The following SEC31A variants were observed in gnomAD, a reference collection of about 807,000 sequenced individuals.
SEC31A encodes protein transport protein Sec31A.
Under a neutral mutation model 151.0 loss-of-function variants are expected in SEC31A, and 70 were observed. The observed-to-expected ratio is 0.46, with a 90% CI of 0.38 to 0.57. SEC31A has a LOEUF of 0.57. Among genes scored for constraint, SEC31A ranks in the 20% least tolerant of loss-of-function variants. The pLI is 0.00. For synonymous variants in SEC31A, 475 were observed against 505.9 expected (o/e 0.94, Z 0.82); for missense variants, 1,330 against 1,471.2 (o/e 0.90, Z 1.57).
chr4:82,871,551 AG>A, intron 7 of SEC31A: 1 of 687,272 alleles, frequency 1.5e-6, no homozygotes, highest in Non-Finnish European at 2.5e-6. Flanking sequence ...AAAGGTGGGC[AG>A]ATCACTTGAG....
intron 25 of SEC31A, among the ~76,000 whole-genome samples, chr4:82,822,586 T>C (rs1560577624): frequency 2.0e-5 from 3 of 152,150 alleles, no homozygotes; most frequent in Admixed American, 1.3e-4. Context: ...TGTTTAGACA[T>C]AAAGTGAAAA....
At chr4:82,881,809 AAGAGAAGAAATT>A (rs775633923) in intron 2 of SEC31A, 37 bp downstream of exon 2, 1 of 1,391,790 alleles carries the variant, frequency 7.2e-7, no homozygotes, top group East Asian at 2.3e-5. Flanking sequence ...CTAGGTGCAG[AAGAGAAGAAATT>A]AGGTAACTCA....
In SEC31A at chr4:82,819,198, C is replaced by A. The variant is rs749817015; in HGVS notation, c.3539G>T (p.Arg1180Leu). ...LHNIARSIET[R>L]NYSEGLTMHT... ...CATGGTCAATCCTTCTGAGTAGTTT[C>A]GAGTTTCAATGCTCCTTGCAATGTT... The change falls in exon 27 of 27, where the codon CGA (arginine) becomes CTA (leucine). Residue 1180 changes from arginine (R) to leucine (L), a missense_variant. Transcript: ENST00000395310. 2 of 1,610,974 alleles carry A rather than the reference C, an allele frequency of 1.2e-6. No individual in the cohort carries two copies.
chr4:82,849,613 CAA>C (rs5859835), intron 19 of SEC31A, among the ~76,000 whole-genome samples: 3 of 109,708 alleles, frequency 2.7e-5, no homozygotes, highest in African/African-American at 1.1e-4. Context: ...GAATCCGTCT[CAA>C]AAAAAAAAAA....
intron 25 of SEC31A, among the ~76,000 whole-genome samples, chr4:82,822,868 G>T (rs1483840059): frequency 1.3e-5 from 2 of 152,164 alleles, no homozygotes; most frequent in African/African-American, 2.4e-5. Flanking sequence ...AGCTACTAGG[G>T]AGGCTGAGGC....
intron 10 of SEC31A, among the ~76,000 whole-genome samples, chr4:82,866,241 CG>C (rs1560639720): frequency 6.6e-6 from 1 of 151,932 alleles, no homozygotes; most frequent in Non-Finnish European, 1.5e-5. Context: ...GAGGCCGAAG[CG>C]GGTGGATCAC....
chr4:82,857,225 A>G, intron 15 of SEC31A, 95 bp from the exon 16 acceptor site: 2 of 991,756 alleles, frequency 2.0e-6, no homozygotes, highest in East Asian at 2.6e-5. Context: ...ATATATATAC[A>G]TGAATGGAGA....
chr4:82,822,977 A>C (rs1468923091), intron 25 of SEC31A, among the ~76,000 whole-genome samples: 1 of 152,202 alleles, frequency 6.6e-6, no homozygotes, highest in African/African-American at 2.4e-5. Context: ...CCGTCTCAAA[A>C]AAAAAGAAAA....
At chr4:82,845,335 T>A (rs1729825394) in intron 20 of SEC31A, 2 of 1,184,820 alleles carry the variant, frequency 1.7e-6, no homozygotes, top group Non-Finnish European at 2.3e-6. Flanking sequence ...AAATAAAAAA[T>A]GAAAACGTTA....
chr4:82,886,084 T>G (rs1740637766), intron 1 of SEC31A, among the ~76,000 whole-genome samples: 1 of 152,132 alleles, frequency 6.6e-6, no homozygotes, highest in Non-Finnish European at 1.5e-5. Context: ...AGCTCCAGAG[T>G]TCTTTCTACT....
rs189426167 is a variant in SEC31A, at chr4:82,842,133, C to A, written c.2968+7G>T. The A allele has an allele frequency of 5.2e-6, 8 of 1,542,378 alleles. No individual in the cohort carries two copies. Among genetic ancestry groups the A allele is most frequent in the Non-Finnish European group, 5.2e-6 (6 of 1,144,230 alleles). ...GGGGCCAAACCAAATCCCTTTCAAG[C>A]GCAGACCTGTTCTTTGGGACGCAGG... On this transcript the variant is annotated splice_region_variant and intron_variant, in intron 22 of 26. Transcript: ENST00000395310.
intron 20 of SEC31A, among the ~76,000 whole-genome samples, chr4:82,846,667 G>C (rs935592899): frequency 6.6e-6 from 1 of 151,438 alleles, no homozygotes; most frequent in African/African-American, 2.4e-5. Context: ...TCTTCCTTAT[G>C]ATTTCCTTAA....
intron 21 of SEC31A, among the ~76,000 whole-genome samples, chr4:82,843,512 G>A (rs1219980833): frequency 6.6e-6 from 1 of 152,116 alleles, no homozygotes; most frequent in Non-Finnish European, 1.5e-5. Flanking sequence ...CCTCGATAGA[G>A]TGAATCTAGT....
At position 82,858,992 on chromosome 4, in the gene SEC31A, C is replaced by G. The variant is rs575598513; in HGVS notation, c.1627-1228G>C. Among the ~76,000 whole-genome samples, 63 of 152,124 alleles carry G rather than the reference C, an allele frequency of 4.1e-4. No homozygotes were observed. The East Asian group carries it at 7.5e-3, about 18-fold the overall frequency. On this transcript the variant is annotated intron_variant, in intron 14 of 26. Coordinates refer to ENST00000395310, the MANE Select transcript of SEC31A (RefSeq NM_001077207.4). Reference sequence around the variant, plus strand: ...CTGGGATTACAGGCGTGAGCCACCACGCCAGGCCGGAAAATATATTTTTAA... The same window carrying G: ...CTGGGATTACAGGCGTGAGCCACCAGGCCAGGCCGGAAAATATATTTTTAA...
chr4:82,863,237 T>C, intron 12 of SEC31A, 81 bp downstream of exon 12: 1 of 820,554 alleles, frequency 1.2e-6, no homozygotes, highest in Non-Finnish European at 1.9e-6. Flanking sequence ...ATTGGGTGAT[T>C]TGAGATAATC....
chr4:82,851,672 CA>C, intron 18 of SEC31A, 68 bp from the exon 19 acceptor site: 2 of 1,347,052 alleles, frequency 1.5e-6, no homozygotes, highest in Non-Finnish European at 2.1e-6. Context: ...AGGAAAAGAT[CA>C]AGAGTTACTA....
intron 22 of SEC31A, 180 bp from the exon 23 acceptor site, chr4:82,829,238 A>C: frequency 3.6e-6 from 2 of 557,806 alleles, no homozygotes; most frequent in Non-Finnish European, 6.4e-6. Flanking sequence ...CACATCTCTT[A>C]ATAGGAACAA....
Position 82,857,761 on chromosome 4 carries a change from T to A in SEC31A, c.1630A>T (p.Ile544Phe). The A allele has an allele frequency of 6.3e-7, 1 of 1,585,014 alleles. No individual in the cohort carries two copies. The highest frequency in any genetic ancestry group is 8.7e-7 in the Non-Finnish European group (1 of 1,156,050). The change falls in exon 15 of 27, where the codon ATT becomes TTT. Residue 544 changes from isoleucine to phenylalanine, a missense_variant. Coordinates refer to ENST00000395310, the MANE Select transcript of SEC31A (RefSeq NM_001077207.4). ...TCAGATTCTTCTTTTTCCTCTTTAA[T>A]GTGCTAAAGAGATGAAAAAAGCAAC... The part of the protein sequence containing the change: ...AAEEQLLGEH[I>F]KEEKEESEFL...
chr4:82,851,652 G>A, intron 18 of SEC31A, 48 bp from the exon 19 acceptor site: 1 of 1,479,572 alleles, frequency 6.8e-7, no homozygotes, highest in Non-Finnish European at 9.3e-7. Flanking sequence ...GACCATGTAT[G>A]AGAGGAAGCA....
Sources: allele counts gnomAD v4.1 joint callset (sites outside exome capture counted in the v4.1 genomes callset), GRCh38; gene constraint gnomAD v4.1.1; transcripts MANE v1.5; gene names NCBI Gene and HGNC (gene_info 2026-07-23, HGNC 2026-07-21).